MTF1: variants seen among roughly 807,000 people sequenced by gnomAD.
The protein encoded by MTF1 is metal regulatory transcription factor 1.
MTF1 carries 22 observed loss-of-function variants against 70.4 expected under a neutral mutation model. That is an observed-to-expected ratio of 0.31 (90% confidence interval 0.22 to 0.45). MTF1 has a LOEUF of 0.45. Among genes scored for constraint, MTF1 ranks in the 20% least tolerant of loss-of-function variants. The pLI is 1.00. For synonymous variants in MTF1, 333 were observed against 352.8 expected (o/e 0.94, Z 0.63); for missense variants, 649 against 922.0 (o/e 0.70, Z 3.83).
chr1:37,845,705 A>G (rs1641321731), intron 2 of MTF1, among the ~76,000 whole-genome samples: 1 of 152,110 alleles, frequency 6.6e-6, no homozygotes, highest in East Asian at 1.9e-4. Context: ...GGGTCTCACT[A>G]TGTTAGGCCA....
chr1:37,840,291 C>T lies in MTF1; in HGVS notation c.409-133G>A. ...TTTTCATCATAAACACAGAAAACAG[C>T]CTCTAGCAGCAAAGTGGAAAAACCT... is the stretch of plus-strand genomic sequence containing the variant. On this transcript the variant is annotated intron_variant, in intron 2 of 10. Coordinates refer to ENST00000373036, the MANE Select transcript of MTF1 (RefSeq NM_005955.3). This position sits in a 1 kb window ranked among gnomAD's most constrained non-coding sequence, Gnocchi z 4.5. 1.4e-6 allele frequency: 1 copy of T among 735,248 alleles called. No individual in the cohort carries two copies. The allele number at this position is 735,248 out of a possible 1,614,324, so 45.5% of individuals were successfully genotyped here. A position where few individuals can be genotyped will look rare whatever the true frequency, so the allele number is the denominator to read the frequency against.
At chr1:37,836,136 T>C (rs540556050) in intron 4 of MTF1, among the ~76,000 whole-genome samples, 42 of 152,098 alleles carry the variant, frequency 2.8e-4, no homozygotes, top group Non-Finnish European at 4.9e-4. Context: ...AAAACAAATA[T>C]TCAGAACACT....
chr1:37,840,254 A>G lies in MTF1; in HGVS notation c.409-96T>C, dbSNP rs1641235724. On this transcript the variant is annotated intron_variant, in intron 2 of 10. Transcript: ENST00000373036. The surrounding 1 kb of genome is among the most constrained non-coding windows in gnomAD (Gnocchi z 4.5). ...TCAGCTCCCAAGAGATGCTGTGGAC[A>G]ATACAACTGGGTTTTCATCATAAAC... 7.3e-6 allele frequency: 8 copies of G among 1,097,812 alleles called. 1 individual carries two copies. In the South Asian group the frequency reaches 1.1e-4, roughly 15 times the overall value. 68.0% of individuals were successfully genotyped at this position (1,097,812 alleles called of 1,614,324 possible). A position where few individuals can be genotyped will look rare whatever the true frequency, so the allele number is the denominator to read the frequency against.
At chr1:37,818,829 C>A (rs1423884238) in intron 9 of MTF1, among the ~76,000 whole-genome samples, 1 of 151,074 alleles carries the variant, frequency 6.6e-6, no homozygotes, top group Admixed American at 6.6e-5. Context: ...CCCATCTCTA[C>A]TAAAAATACA....
chr1:37,828,075 G>T lies in MTF1; in HGVS notation c.1068+4170C>A, dbSNP rs146850998. ...GTTCAACAAGAAGAATGAATGACCT[G>T]TAACTGTATGTAATAATATGGCTTA... On this transcript the variant is annotated intron_variant, in intron 7 of 10. Coordinates refer to ENST00000373036, the MANE Select transcript of MTF1 (RefSeq NM_005955.3). 6.5e-3 allele frequency: 2,180 copies of T among 336,594 alleles called. 46 individuals carry two copies. The highest frequency in any genetic ancestry group is 0.044 in the African/African-American group (2,008 of 45,134). 20.9% of individuals were successfully genotyped at this position (336,594 alleles called of 1,614,324 possible). A position where few individuals can be genotyped will look rare whatever the true frequency, so the allele number is the denominator to read the frequency against.
At chr1:37,856,103 C>T (rs1641488560) in intron 2 of MTF1, among the ~76,000 whole-genome samples, 1 of 151,472 alleles carries the variant, frequency 6.6e-6, no homozygotes, top group Non-Finnish European at 1.5e-5. Context: ...CTCACATTAG[C>T]TAAACATGAA....
chr1:37,815,455 C>T lies in MTF1; in HGVS notation c.1943G>A (p.Ser648Asn), dbSNP rs191044491. 3.1e-6 allele frequency: 5 copies of T among 1,607,398 alleles called. No individual in the cohort carries two copies. In the East Asian group the frequency reaches 1.1e-4, roughly 36 times the overall value. Residue 648 changes from serine (S) to asparagine (N), a missense_variant, in exon 11 of 11, where the codon AGC becomes AAC. Around this residue, in one of 7 missense-constraint regions of MTF1, gnomAD observed 138 missense variants for 134.4 expected, o/e 1.03. Coordinates refer to ENST00000373036, the MANE Select transcript of MTF1 (RefSeq NM_005955.3). The surrounding 1 kb of genome is among the most constrained non-coding windows in gnomAD (Gnocchi z 4.5). ...CRDSAKERASSRRKGCSSPPP... is the reference protein window; with the variant it reads ...CRDSAKERASNRRKGCSSPPP... ...TGGGGAGGAGCAGCCCTTTCTCCTG[C>T]TGGATGCCCGCTCCTTTGCAGAGTC... is the stretch of plus-strand genomic sequence containing the variant.
Position 37,859,265 on chromosome 1 carries a change from C to T in MTF1, c.-52+266G>A, listed in dbSNP as rs535170119. ...GAGGAGGCTGGGAAAAGGAACCTGT[C>T]TGGGATAGCCCCCAGCACAGGGCTA... On this transcript the variant is annotated intron_variant, in intron 1 of 10. Transcript: ENST00000373036. Among the ~76,000 whole-genome samples the T allele has an allele frequency of 7.2e-5, 11 of 152,296 alleles. No individual in the cohort carries two copies. In the South Asian group the frequency reaches 2.3e-3, roughly 32 times the overall value.
chr1:37,834,989 C>T, intron 6 of MTF1, 90 bp downstream of exon 6: 1 of 1,406,446 alleles, frequency 7.1e-7, no homozygotes, highest in African/African-American at 1.4e-5. Context: ...AACAGATATA[C>T]AGAGAAGACA....
rs537852978 is a variant in MTF1, at chr1:37,839,030, C to T, written c.648-274G>A. Among the ~76,000 whole-genome samples the T allele has an allele frequency of 3.9e-5, 6 of 151,986 alleles. No individual in the cohort carries two copies. In the South Asian group the frequency reaches 8.3e-4, roughly 21 times the overall value. ...GGTTGGCCAGGCTGGTCTCGAACTCCTGACCTCAGGTGATCCGCCTGCCTC... is the reference window on the plus strand; with the variant it reads ...GGTTGGCCAGGCTGGTCTCGAACTCTTGACCTCAGGTGATCCGCCTGCCTC... On this transcript the variant is annotated intron_variant, in intron 3 of 10. Coordinates refer to ENST00000373036, the MANE Select transcript of MTF1 (RefSeq NM_005955.3).
intron 6 of MTF1, chr1:37,834,651 T>C (rs1360818952): frequency 2.2e-6 from 1 of 457,252 alleles, no homozygotes; most frequent in Admixed American, 2.3e-5. Flanking sequence ...ATTGCAATAA[T>C]CCAGGCAAAA....
chr1:37,815,637 T>A lies in MTF1; in HGVS notation c.1832-71A>T. 5 of 1,232,422 alleles carry A rather than the reference T, an allele frequency of 4.1e-6. No homozygotes were observed. The highest frequency in any genetic ancestry group is 5.7e-6 in the Non-Finnish European group (5 of 880,172). 76.3% of individuals were successfully genotyped at this position (1,232,422 alleles called of 1,614,324 possible). A position where few individuals can be genotyped will look rare whatever the true frequency, so the allele number is the denominator to read the frequency against. ...CAGGAGCATGAGGGACAGGGATACA[T>A]GGACTAGGTGAGAGCAGAGTGCCAT... On this transcript the variant is annotated intron_variant, in intron 10 of 10. Transcript: ENST00000373036. This position sits in a 1 kb window ranked among gnomAD's most constrained non-coding sequence, Gnocchi z 4.5.
At chr1:37,820,194 G>A (rs1245441272) in intron 9 of MTF1, among the ~76,000 whole-genome samples, 1 of 152,130 alleles carries the variant, frequency 6.6e-6, no homozygotes, top group Non-Finnish European at 1.5e-5. Context: ...TCTGGAATTT[G>A]AGTGTTCTCC....
intron 7 of MTF1, among the ~76,000 whole-genome samples, chr1:37,829,548 C>T (rs765057460): frequency 3.3e-5 from 5 of 151,724 alleles, no homozygotes; most frequent in Non-Finnish European, 7.4e-5. Flanking sequence ...TTTGGGAGTC[C>T]GAGACGGGCG....
At chr1:37,830,238 C>T (rs757635400) in intron 7 of MTF1, among the ~76,000 whole-genome samples, 1 of 152,110 alleles carries the variant, frequency 6.6e-6, no homozygotes, top group Non-Finnish European at 1.5e-5. Flanking sequence ...ATGTGATGTA[C>T]CCATTTAATC....
chr1:37,815,638 G>A lies in MTF1; in HGVS notation c.1832-72C>T. 8.1e-7 allele frequency: 1 copy of A among 1,230,662 alleles called. No homozygotes were observed. Among genetic ancestry groups the A allele is most frequent in the Non-Finnish European group, 1.1e-6 (1 of 879,092 alleles). The allele number at this position is 1,230,662 out of a possible 1,614,324, so 76.2% of individuals were successfully genotyped here. Reference sequence around the variant, plus strand: ...AGGAGCATGAGGGACAGGGATACATGGACTAGGTGAGAGCAGAGTGCCATG... The same window carrying A: ...AGGAGCATGAGGGACAGGGATACATAGACTAGGTGAGAGCAGAGTGCCATG... On this transcript the variant is annotated intron_variant, in intron 10 of 10. Coordinates refer to ENST00000373036, the MANE Select transcript of MTF1 (RefSeq NM_005955.3). This position sits in a 1 kb window ranked among gnomAD's most constrained non-coding sequence, Gnocchi z 4.5.
Position 37,823,058 on chromosome 1 carries a change from AT to A in MTF1, c.1172-343del, listed in dbSNP as rs1412701000. The stretch of plus-strand genomic sequence containing the variant: ...TGGGAAGTTTTACAGACAAATTTTC[AT>A]GAAACACAGTATGATATATGCAGCT... On this transcript the variant is annotated intron_variant, in intron 8 of 10. Transcript: ENST00000373036. Among the ~76,000 whole-genome samples, 3 of 152,320 alleles carry A rather than the reference AT, an allele frequency of 2.0e-5. No individual in the cohort carries two copies. In the East Asian group the frequency reaches 5.8e-4, roughly 29 times the overall value.
intron 2 of MTF1, among the ~76,000 whole-genome samples, chr1:37,854,092 C>G (rs1641455480): frequency 6.6e-6 from 1 of 152,220 alleles, no homozygotes; most frequent in South Asian, 2.1e-4. Flanking sequence ...ATTGCAACCT[C>G]CACCTCCCGG....
chr1:37,857,462 T>C lies in MTF1; in HGVS notation c.197A>G (p.Gln66Arg), dbSNP rs1641515040. ...GTLEDEDDDG[Q>R]CGEHLPFLVG... is the part of the protein sequence containing the mutation. ...TAGAAAAGGCAAGTGTTCTCCGCACTGTCCGTCGTCATCTTCATCCTCCAA... is the reference window on the plus strand; with the variant it reads ...TAGAAAAGGCAAGTGTTCTCCGCACCGTCCGTCGTCATCTTCATCCTCCAA... Residue 66 changes from glutamine (Q) to arginine (R), a missense_variant, in exon 2 of 11, where the codon CAG becomes CGG. Gln to Arg is a conservative substitution (Grantham distance 43, BLOSUM62 1). Coordinates refer to ENST00000373036, the MANE Select transcript of MTF1 (RefSeq NM_005955.3). 6.2e-7 allele frequency: 1 copy of C among 1,614,080 alleles called. No individual in the cohort carries two copies. The highest frequency in any genetic ancestry group is 1.3e-5 in the African/African-American group (1 of 74,924).
Sources: gnomAD v4.1 joint callset for allele counts (sites outside exome capture counted in the v4.1 genomes callset) on GRCh38, gnomAD v4.1.1 for gene constraint, gnomAD v4.1.1 regional missense constraint, Gnocchi (gnomAD v3.1) non-coding constraint, MANE v1.5 for transcripts, NCBI Gene and HGNC (gene_info 2026-07-23, HGNC 2026-07-21) for gene names.